GOLGB1: variants seen among roughly 807,000 people sequenced by gnomAD.
The protein encoded by GOLGB1 is golgin B1, also known as golgin subfamily B member 1.
Under a neutral mutation model 336.9 loss-of-function variants are expected in GOLGB1, and 174 were observed. The observed-to-expected ratio is 0.52, with a 90% CI of 0.46 to 0.59. The LOEUF (loss-of-function observed/expected upper bound fraction) is 0.59, where lower values mean the gene tolerates loss of function less well. Among genes scored for constraint, GOLGB1 ranks in the 20% least tolerant of loss-of-function variants. The probability of loss-of-function intolerance (pLI) is 0.00; values close to 1 mark genes in which losing one functional copy is unlikely to be tolerated. For missense variants in GOLGB1, 3,331 were observed against 3,645.3 expected (o/e 0.91, Z 2.22); for synonymous variants, 1,208 against 1,289.2 (o/e 0.94, Z 1.35).
intron 18 of GOLGB1, 31 bp from the exon 19 acceptor site, chr3:121,668,189 G>T: frequency 1.6e-6 from 2 of 1,264,124 alleles, no homozygotes; most frequent in Non-Finnish European, 2.3e-6. Context: ...GTAATTCAGT[G>T]ATGAAAGCTC....
At chr3:121,699,736 T>C (rs2107888679) in intron 12 of GOLGB1, 76 bp downstream of exon 12, 2 of 814,128 alleles carry the variant, frequency 2.5e-6, no homozygotes. Context: ...TAGAAAATTA[T>C]GGACGTATTT....
At chr3:121,705,992 A>T (rs1001201831) in intron 10 of GOLGB1, among the ~76,000 whole-genome samples, 1 of 152,210 alleles carries the variant, frequency 6.6e-6, no homozygotes, top group Non-Finnish European at 1.5e-5. Context: ...AATTTAACTG[A>T]GTCGCATAAA....
At chr3:121,669,632 C>T (rs775515927) in intron 17 of GOLGB1, among the ~76,000 whole-genome samples, 4 of 151,932 alleles carry the variant, frequency 2.6e-5, no homozygotes, top group Non-Finnish European at 5.9e-5. Context: ...AACCATGAAG[C>T]AGAAGTCCAT....
At chr3:121,717,900 A>G (rs1269714956) in intron 8 of GOLGB1, among the ~76,000 whole-genome samples, 2 of 152,150 alleles carry the variant, frequency 1.3e-5, no homozygotes, top group Non-Finnish European at 2.9e-5. Flanking sequence ...CATGAAATTC[A>G]TTTGTTTCAT....
chr3:121,677,835 A>G (rs1940605740), intron 15 of GOLGB1, among the ~76,000 whole-genome samples: 1 of 152,218 alleles, frequency 6.6e-6, no homozygotes, highest in Non-Finnish European at 1.5e-5. Context: ...TGTGGAGATA[A>G]GATGAGAGGC....
At position 121,668,054 on chromosome 3, in the gene GOLGB1, C is replaced by T; in HGVS notation, c.9419+7G>A. Reference sequence around the variant, plus strand: ...ATGCTCCAGGGTTTAGAGAGCCACTCCCCTACCTTTGCTGCGGTTCCCTTA... The same window carrying T: ...ATGCTCCAGGGTTTAGAGAGCCACTTCCCTACCTTTGCTGCGGTTCCCTTA... On this transcript the variant is annotated splice_region_variant and intron_variant, in intron 19 of 21. Transcript: ENST00000614479. 1 of 1,528,186 alleles carries T rather than the reference C, an allele frequency of 6.5e-7. No homozygotes were observed. The highest frequency in any genetic ancestry group is 9.0e-7 in the Non-Finnish European group (1 of 1,112,292). The allele number at this position is 1,528,186 out of a possible 1,614,324, so 94.7% of individuals were successfully genotyped here. A position where few individuals can be genotyped will look rare whatever the true frequency, so the allele number is the denominator to read the frequency against.
In GOLGB1 at chr3:121,714,943, T is replaced by C; in HGVS notation, c.1322A>G (p.Gln441Arg). Reference sequence around the variant, plus strand: ...TTGCAAGGGCAGTCTATTTAGAAATTGGCTAATTTCTTTGGATTTTTGCTG... The same window carrying C: ...TTGCAAGGGCAGTCTATTTAGAAATCGGCTAATTTCTTTGGATTTTTGCTG... ...QLQQKSKEIS[Q>R]FLNRLPLQQH... Residue 441 changes from glutamine to arginine, a missense_variant, in exon 10 of 22, where the codon CAA becomes CGA. By Grantham distance (43) the Gln-to-Arg change is conservative. Coordinates refer to ENST00000614479, the MANE Select transcript of GOLGB1 (RefSeq NM_001366282.2). 1 of 1,612,484 alleles carries C rather than the reference T, an allele frequency of 6.2e-7. No homozygotes were observed. The highest frequency in any genetic ancestry group is 8.5e-7 in the Non-Finnish European group (1 of 1,178,676).
chr3:121,745,503 C>T (rs1947216254), intron 1 of GOLGB1, among the ~76,000 whole-genome samples: 3 of 144,412 alleles, frequency 2.1e-5, no homozygotes, highest in East Asian at 2.1e-4. Flanking sequence ...CATATGTACA[C>T]GTGTATGTAT....
At chr3:121,724,533 T>A (rs139257714) in intron 5 of GOLGB1, among the ~76,000 whole-genome samples, 4 of 148,888 alleles carry the variant, frequency 2.7e-5, no homozygotes, top group South Asian at 4.2e-4. Context: ...TCTATCTGCT[T>A]ACAGTGAACA....
chr3:121,737,422 G>A (rs1207117355), intron 1 of GOLGB1, among the ~76,000 whole-genome samples: 1 of 152,170 alleles, frequency 6.6e-6, no homozygotes, highest in African/African-American at 2.4e-5. Context: ...GGAGGCTGAG[G>A]CGGGTGGATC....
rs1443142460 is a variant in GOLGB1 at position 121,697,506 on chromosome 3, T to A, written c.3017A>T (p.Asn1006Ile). The A allele has an allele frequency of 6.2e-7, 1 of 1,612,542 alleles. No homozygotes were observed. Among genetic ancestry groups the A allele is most frequent in the Non-Finnish European group, 8.5e-7 (1 of 1,179,648 alleles). ...RKRKLQAALINRKELLQRVSR... is the reference protein window; with the variant it reads ...RKRKLQAALIIRKELLQRVSR... ...GACTCTTTGCAGAAGCTCCTTTCTG[T>A]TAATAAGAGCTGCCTGGAGCTTTCT... Residue 1006 changes from asparagine (N) to isoleucine (I), a missense_variant, in exon 13 of 22, where the codon AAC (asparagine) becomes ATC (isoleucine). Asn to Ile is a moderately radical substitution (Grantham distance 149). Transcript: ENST00000614479.
intron 4 of GOLGB1, 72 bp downstream of exon 4, chr3:121,729,100 CATCCTAAATGTTTGTG>C: frequency 8.1e-6 from 7 of 858,938 alleles, no homozygotes; most frequent in Non-Finnish European, 1.3e-5. Flanking sequence ...ATCATTTTAG[CATCCTAAATGTTTGTG>C]ATTGGTGAAG....
At chr3:121,719,825 T>A in intron 6 of GOLGB1, 57 bp from the exon 7 acceptor site, 1 of 1,451,412 alleles carries the variant, frequency 6.9e-7, no homozygotes, top group Admixed American at 2.3e-5. Flanking sequence ...ATTGCACAAA[T>A]AAAACTCACA....
rs752026284 is a variant in GOLGB1, at chr3:121,669,349, G to A, written c.9184C>T (p.Gln3062Ter). The A allele has an allele frequency of 1.2e-6, 2 of 1,613,498 alleles. No individual in the cohort carries two copies. Among genetic ancestry groups the A allele is most frequent in the Non-Finnish European group, 1.7e-6 (2 of 1,179,438 alleles). ...RIQQLNSNFS[Q>*]LLEEKNTLSI... is the part of the protein sequence containing the mutation. ...AGGGTGTTTTTCTCTTCCAGTAGCT[G>A]AGAGAACTGAAACAGAGGCGAGGAT... Residue 3062 changes from glutamine to a stop codon, truncating the protein, a stop_gained, in exon 18 of 22, where the codon CAG (glutamine) becomes TAG (stop). Transcript: ENST00000614479. LOFTEE classifies it high-confidence loss of function.
rs1939150010 is a variant in GOLGB1 at position 121,669,280 on chromosome 3, G to A, written c.9253C>T (p.Gln3085Ter). 1 of 1,613,626 alleles carries A rather than the reference G, an allele frequency of 6.2e-7. No individual in the cohort carries two copies. Among genetic ancestry groups the A allele is most frequent in the African/African-American group, 1.3e-5 (1 of 74,950 alleles). ...CDTSQSLREN[Q>*]QHYGDLLNHC... ...TTTAAAAGGTCACCATAGTGCTGCT[G>A]GTTCTCACGAAGACTCTGACTGGTA... Residue 3085 changes from glutamine (Q) to a stop codon, truncating the protein, a stop_gained, in exon 18 of 22, where the codon CAG becomes TAG. Coordinates refer to ENST00000614479, the MANE Select transcript of GOLGB1 (RefSeq NM_001366282.2). LOFTEE classifies it high-confidence loss of function.
chr3:121,677,521 C>CCTCA lies in GOLGB1; in HGVS notation c.8874-75_8874-72dup, dbSNP rs538661956. 566 of 978,680 alleles carry CCTCA rather than the reference C, an allele frequency of 5.8e-4. 4 individuals are homozygous for CCTCA. The African/African-American group carries it at 7.8e-3, about 14-fold the overall frequency. 60.6% of individuals were successfully genotyped at this position (978,680 alleles called of 1,614,324 possible). On this transcript the variant is annotated intron_variant, in intron 15 of 21. Coordinates refer to ENST00000614479, the MANE Select transcript of GOLGB1 (RefSeq NM_001366282.2). ...TGGGCATGGTAGCTCGCACCTGTAA[C>CCTCA]CTCAGCACTTTGCTTATCTTCAAAG...
chr3:121,671,147 A>G (rs1939479985), intron 17 of GOLGB1, among the ~76,000 whole-genome samples: 1 of 152,188 alleles, frequency 6.6e-6, no homozygotes, highest in South Asian at 2.1e-4. Context: ...AACCTAAAAT[A>G]TTGTCTGAGC....
chr3:121,735,671 T>C (rs973098006), intron 1 of GOLGB1, among the ~76,000 whole-genome samples: 1 of 152,234 alleles, frequency 6.6e-6, no homozygotes, highest in Admixed American at 6.5e-5. Flanking sequence ...GAGTCAGAGA[T>C]ATCAGTATGA....
intron 14 of GOLGB1, among the ~76,000 whole-genome samples, chr3:121,683,873 T>C (rs962300275): frequency 3.9e-5 from 6 of 152,118 alleles, no homozygotes; most frequent in African/African-American, 7.2e-5. Flanking sequence ...CTCATGCCTG[T>C]AATCCCAGCA....
Sources: allele counts gnomAD v4.1 joint callset (sites outside exome capture counted in the v4.1 genomes callset), GRCh38; gene constraint gnomAD v4.1.1; transcripts MANE v1.5; gene names NCBI Gene and HGNC (gene_info 2026-07-23, HGNC 2026-07-21).